ENTREP2: variants seen among roughly 807,000 people sequenced by gnomAD.
ENTREP2 encodes protein ENTREP2.
the ENTREP2 span, among the ~76,000 whole-genome samples, chr15:29,439,061 T>C: frequency 6.6e-6 from 1 of 152,186 alleles, no homozygotes; most frequent in Admixed American, 6.5e-5. Context: ...TTCCTAGTTC[T>C]GTCCCCTAAT....
chr15:29,207,209 G>A, the ENTREP2 span, among the ~76,000 whole-genome samples: 2 of 152,242 alleles, frequency 1.3e-5, no homozygotes, highest in East Asian at 3.9e-4. Flanking sequence ...TTATTGGGGT[G>A]TTTCCCCTGT....
chr15:29,407,943 G>A, the ENTREP2 span, among the ~76,000 whole-genome samples: 1 of 152,102 alleles, frequency 6.6e-6, no homozygotes, highest in Non-Finnish European at 1.5e-5. Context: ...GCCTCCCAAA[G>A]TGCTGGGATT....
At chr15:29,314,179 A>C in the ENTREP2 span, among the ~76,000 whole-genome samples, 1 of 152,264 alleles carries the variant, frequency 6.6e-6, no homozygotes, top group Non-Finnish European at 1.5e-5. Context: ...GACATTATTG[A>C]AATGACAACA....
chr15:29,391,142 G>A, the ENTREP2 span, among the ~76,000 whole-genome samples: 1 of 151,876 alleles, frequency 6.6e-6, no homozygotes, highest in Admixed American at 6.6e-5. Context: ...GCCACAGAAG[G>A]CTCACGAGGC....
chr15:29,608,673 TCTC>T, the ENTREP2 span, among the ~76,000 whole-genome samples: 1 of 151,640 alleles, frequency 6.6e-6, no homozygotes, highest in East Asian at 1.9e-4. Context: ...GTTCGCCCAT[TCTC>T]CTGACTCAGC....
chr15:29,631,360 A>C, the ENTREP2 span, among the ~76,000 whole-genome samples: 1 of 152,156 alleles, frequency 6.6e-6, no homozygotes. Context: ...GTACTATGTT[A>C]GAAGACTCAG....
At chr15:29,327,764 A>G in the ENTREP2 span, among the ~76,000 whole-genome samples, 8,209 of 152,266 alleles carry the variant, frequency 0.054, 722 homozygotes, top group African/African-American at 0.19. Context: ...CTAAAATCCA[A>G]AAATGGACAG....
chr15:29,259,089 T>C, the ENTREP2 span, among the ~76,000 whole-genome samples: 2 of 152,088 alleles, frequency 1.3e-5, no homozygotes, highest in East Asian at 1.9e-4. Context: ...AAGAAAGAGG[T>C]TGGCATTCAA....
At chr15:29,624,924 T>C in the ENTREP2 span, among the ~76,000 whole-genome samples, 1 of 151,306 alleles carries the variant, frequency 6.6e-6, no homozygotes, top group Admixed American at 6.6e-5. Context: ...TTTATGCAAT[T>C]TTACCCTATG....
the ENTREP2 span, among the ~76,000 whole-genome samples, chr15:29,216,802 T>C: frequency 6.6e-6 from 1 of 152,070 alleles, no homozygotes; most frequent in South Asian, 2.1e-4. Flanking sequence ...TAAAAAGATG[T>C]AAATTAAAAT....
chr15:29,592,842 C>T, the ENTREP2 span, among the ~76,000 whole-genome samples: 2,790 of 152,250 alleles, frequency 0.018, 69 homozygotes, highest in African/African-American at 0.063. Context: ...AAAGAATGGG[C>T]ATCTCCCTTC....
chr15:29,280,160 A>C, the ENTREP2 span, among the ~76,000 whole-genome samples: 2 of 152,214 alleles, frequency 1.3e-5, no homozygotes, highest in African/African-American at 2.4e-5. Flanking sequence ...CAGTTCTATT[A>C]GATCATTAAA....
At chr15:29,668,284 C>A in the ENTREP2 span, among the ~76,000 whole-genome samples, 2 of 152,150 alleles carry the variant, frequency 1.3e-5, no homozygotes, top group South Asian at 4.1e-4. Flanking sequence ...GAAATAACCA[C>A]CACCAATCAC....
At chr15:29,136,099 C>T in the ENTREP2 span, among the ~76,000 whole-genome samples, 4 of 152,238 alleles carry the variant, frequency 2.6e-5, no homozygotes, top group Non-Finnish European at 5.9e-5. Context: ...TTCCCCAGGC[C>T]CGGGCTGGCG....
At chr15:29,164,363 C>T in the ENTREP2 span, among the ~76,000 whole-genome samples, 4 of 152,140 alleles carry the variant, frequency 2.6e-5, no homozygotes, top group African/African-American at 4.8e-5. Context: ...ATGTAAATGG[C>T]CTAAATGCTC....
chr15:29,554,341 G>A, the ENTREP2 span, among the ~76,000 whole-genome samples: 50,109 of 146,844 alleles, frequency 0.34, 8,763 homozygotes, highest in East Asian at 0.41. Flanking sequence ...AAGGAAGGAA[G>A]TGAGGAAGGT....
the ENTREP2 span, among the ~76,000 whole-genome samples, chr15:29,508,007 C>A: frequency 2.0e-5 from 3 of 151,658 alleles, no homozygotes; most frequent in Non-Finnish European, 4.4e-5. Flanking sequence ...GCTAGCCAGA[C>A]TAATAAAGAG....
chr15:29,584,671 G>A, the ENTREP2 span, among the ~76,000 whole-genome samples: 1 of 152,250 alleles, frequency 6.6e-6, no homozygotes, highest in Non-Finnish European at 1.5e-5. Context: ...TGGGGTGGGG[G>A]AAATGGGGAG....
At chr15:29,190,847 T>C in the ENTREP2 span, among the ~76,000 whole-genome samples, 2 of 152,158 alleles carry the variant, frequency 1.3e-5, no homozygotes, top group African/African-American at 4.8e-5. Context: ...AAAAGATCAA[T>C]GGACCTGCTC....
Sources: allele counts gnomAD v4.1 joint callset (sites outside exome capture counted in the v4.1 genomes callset), GRCh38; gene constraint gnomAD v4.1.1; transcripts MANE v1.5; gene names NCBI Gene and HGNC (gene_info 2026-07-23, HGNC 2026-07-21).